The following NCOR2 variants were observed in gnomAD, a reference collection of about 807,000 sequenced individuals.
NCOR2 encodes CTG repeat protein 26.
NCOR2 carries 81 observed loss-of-function variants against 262.9 expected under a neutral mutation model. That is an observed-to-expected ratio of 0.31 (90% CI 0.26 to 0.37). The LOEUF (loss-of-function observed/expected upper bound fraction) is 0.37, where lower values mean the gene tolerates loss of function less well. Among genes scored for constraint, NCOR2 ranks in the 10% least tolerant of loss-of-function variants. The probability of loss-of-function intolerance (pLI) is 1.00; values close to 1 mark genes in which losing one functional copy is unlikely to be tolerated. For missense variants in NCOR2, 3,385 were observed against 3,621.4 expected (o/e 0.93, Z 1.68); for synonymous variants, 1,659 against 1,559.3 (o/e 1.06, Z -1.51).
At chr12:124,467,323 A>C (rs1265823861) in intron 4 of NCOR2, among the ~76,000 whole-genome samples, 1 of 18,432 alleles carries the variant, frequency 5.4e-5, no homozygotes, top group Non-Finnish European at 9.6e-5. Flanking sequence ...CACCCCCATC[A>C]TCCTCATCCT....
chr12:124,429,773 G>A, intron 9 of NCOR2, 67 bp from the exon 12 acceptor site: 1 of 1,438,632 alleles, frequency 7.0e-7, no homozygotes, highest in Non-Finnish European at 9.5e-7. Flanking sequence ...AGACCCCTGT[G>A]GCGCAGCCCT....
chr12:124,342,947 G>A, intron 33 of NCOR2, 58 bp downstream of exon 35: 1 of 1,571,484 alleles, frequency 6.4e-7, no homozygotes, highest in Non-Finnish European at 8.7e-7. Context: ...GAACACTGAT[G>A]AGGTCCGTGG....
Position 124,523,660 on chromosome 12 carries a change from G to A in NCOR2, c.-118+11905C>T, listed in dbSNP as rs899538667. Among the ~76,000 whole-genome samples, 60 of 147,778 alleles carry A rather than the reference G, an allele frequency of 4.1e-4. No homozygotes were observed. Among genetic ancestry groups the A allele is most frequent in the Non-Finnish European group, 7.2e-4 (48 of 66,950 alleles). On this transcript the variant is annotated intron_variant, in intron 1 of 46. Coordinates refer to the NCOR2 transcript ENST00000404621. The surrounding 1 kb of genome is among the most constrained non-coding windows in gnomAD (Gnocchi z 4.0). ...CTAAAAAAAAAAAAAACAAAAAACC[G>A]AAAAACAATCTGTTTTAAGAAAGTT...
At chr12:124,512,164 G>A (rs527898598) in intron 1 of NCOR2, among the ~76,000 whole-genome samples, 16 of 152,230 alleles carry the variant, frequency 1.1e-4, no homozygotes, top group African/African-American at 3.6e-4. Context: ...CGCCCACCTC[G>A]GCCTCCCAAA....
intron 41 of NCOR2, 54 bp from the exon 44 acceptor site, chr12:124,333,333 G>A (rs968974898): frequency 3.6e-5 from 52 of 1,429,474 alleles, no homozygotes; most frequent in South Asian, 4.7e-5. Flanking sequence ...CTGAGGGGGC[G>A]CACCCTCCCT....
At chr12:124,372,118 G>T in exon 20 of NCOR2, 1 of 1,601,950 alleles carries the variant, frequency 6.2e-7, no homozygotes. Context: ...CTTGGCTGTG[G>T]TGGCCCTGCC....
At chr12:124,519,091 C>CACACACACACAT (rs2050022477) in intron 1 of NCOR2, among the ~76,000 whole-genome samples, 1 of 121,452 alleles carries the variant, frequency 8.2e-6, no homozygotes, top group African/African-American at 3.6e-5. Context: ...CCAAATAATA[C>CACACACACACAT]ACACACACAC....
intron 1 of NCOR2, among the ~76,000 whole-genome samples, chr12:124,541,550 A>AGC: frequency 6.9e-5 from 1 of 14,454 alleles, no homozygotes; most frequent in Admixed American, 8.6e-4. Context: ...GGGAGTGGTG[A>AGC]TGGAGGGGTA....
rs531905503 is a variant in NCOR2, at chr12:124,436,840, C to T, written c.882+1090G>A. On this transcript the variant is annotated intron_variant, in intron 8 of 46. Coordinates refer to ENST00000405201, the Ensembl canonical transcript of NCOR2. The stretch of plus-strand genomic sequence containing the variant: ...GCAGTGCTCACACCTGTGATCCCAG[C>T]GCTTTGGGAGGCCGAGGCGGGTGCA... Among the ~76,000 whole-genome samples, 6 of 152,314 alleles carry T rather than the reference C, an allele frequency of 3.9e-5. No individual in the cohort carries two copies. In the South Asian group the frequency reaches 8.3e-4, roughly 21 times the overall value.
chr12:124,458,141 C>A (rs1305792340), intron 5 of NCOR2, among the ~76,000 whole-genome samples: 1 of 152,238 alleles, frequency 6.6e-6, no homozygotes, highest in Non-Finnish European at 1.5e-5. Flanking sequence ...ACTAGGCGGA[C>A]AGGCCGCAGA....
chr12:124,381,333 A>G (rs746745827), intron 17 of NCOR2, among the ~76,000 whole-genome samples: 1 of 152,162 alleles, frequency 6.6e-6, no homozygotes, highest in Non-Finnish European at 1.5e-5. Context: ...TAGCTCAGAC[A>G]TCAGAGAGGT....
chr12:124,375,638 T>C (rs1187463165), intron 18 of NCOR2, among the ~76,000 whole-genome samples: 1 of 152,172 alleles, frequency 6.6e-6, no homozygotes, highest in Non-Finnish European at 1.5e-5. Flanking sequence ...CCTCCTTTCC[T>C]TTCTGCCTGG....
At chr12:124,512,881 G>C (rs1346725875) in intron 1 of NCOR2, among the ~76,000 whole-genome samples, 2 of 152,170 alleles carry the variant, frequency 1.3e-5, no homozygotes, top group African/African-American at 4.8e-5. Context: ...CTGACAGTGA[G>C]TCACCCCCAC....
chr12:124,371,974 G>A, intron 20 of NCOR2, 48 bp downstream of exon 22: 1 of 1,517,570 alleles, frequency 6.6e-7, no homozygotes, highest in Non-Finnish European at 8.8e-7. Flanking sequence ...TCGCTGCTCA[G>A]TGTCTGCAGA....
In NCOR2 at chr12:124,481,460, C is replaced by A. The variant is rs2047480875; in HGVS notation, c.411+2136G>T. Reference sequence around the variant, plus strand: ...AGTGGCCTCGAGAGTCCCCACAGGGCTAGCCACAGGTCTCCCCTGCCATGC... The same window carrying A: ...AGTGGCCTCGAGAGTCCCCACAGGGATAGCCACAGGTCTCCCCTGCCATGC... On this transcript the variant is annotated intron_variant, in intron 3 of 46. Transcript: ENST00000405201. This position sits in a 1 kb window ranked among gnomAD's most constrained non-coding sequence, Gnocchi z 4.6. Among the ~76,000 whole-genome samples the A allele has an allele frequency of 6.6e-6, 1 of 152,180 alleles. No individual in the cohort carries two copies. Among genetic ancestry groups the A allele is most frequent in the South Asian group, 2.1e-4 (1 of 4,828 alleles).
chr12:124,469,769 C>T (rs577652276), intron 4 of NCOR2, among the ~76,000 whole-genome samples: 108 of 152,284 alleles, frequency 7.1e-4, no homozygotes, highest in African/African-American at 2.5e-3. Flanking sequence ...AGCAGTGACA[C>T]GCTATAAAGG....
exon 38 of NCOR2, chr12:124,337,069 G>A: frequency 6.7e-7 from 1 of 1,488,080 alleles, no homozygotes; most frequent in Non-Finnish European, 8.9e-7. Context: ...TGGGCAGCAA[G>A]ACGGGCTCCA....
At chr12:124,400,373 TCCAACCATGACTTACA>T in intron 15 of NCOR2, 112 bp downstream of exon 17, 1 of 1,314,510 alleles carries the variant, frequency 7.6e-7, no homozygotes, top group Non-Finnish European at 1.0e-6. Flanking sequence ...GGGATTTGAC[TCCAACCATGACTTACA>T]CCAACCCCTT....
At chr12:124,351,260 G>A (rs927910418) in intron 27 of NCOR2, among the ~76,000 whole-genome samples, 5 of 152,188 alleles carry the variant, frequency 3.3e-5, no homozygotes, top group African/African-American at 9.7e-5. Context: ...ACCACGTCAT[G>A]CACTTTGGTT....
Sources: gnomAD v4.1 joint callset for allele counts (sites outside exome capture counted in the v4.1 genomes callset) on GRCh38, gnomAD v4.1.1 for gene constraint, Gnocchi (gnomAD v3.1) non-coding constraint, MANE v1.5 for transcripts, NCBI Gene and HGNC (gene_info 2026-07-23, HGNC 2026-07-21) for gene names.